Variants in PARD3B observed in about 807,000 individuals in gnomAD.
PARD3B encodes the protein partitioning defective 3 homolog B.
Under a neutral mutation model 130.2 loss-of-function variants are expected in PARD3B, and 103 were observed. That is an observed-to-expected ratio of 0.79 (90% CI 0.67 to 0.93). PARD3B has a LOEUF of 0.93. Ranked by LOEUF, PARD3B falls within the 40% of genes least tolerant of loss-of-function variation. PARD3B has a pLI of 0.00. For missense variants in PARD3B, 1,609 were observed against 1,499.2 expected (o/e 1.07, Z -1.21); for synonymous variants, 583 against 553.2 (o/e 1.05, Z -0.76).
rs887786615 is a variant in PARD3B at position 205,568,235 on chromosome 2, T to C, written c.3260+14832T>C. Reference sequence around the variant, plus strand: ...GTTGCCTTTCGTGAGAGAAAACATATGAGATTAGTAAGATGCCCCAGACAA... The same window carrying C: ...GTTGCCTTTCGTGAGAGAAAACATACGAGATTAGTAAGATGCCCCAGACAA... On this transcript the variant is annotated intron_variant, in intron 22 of 22. Coordinates refer to ENST00000406610, the MANE Select transcript of PARD3B (RefSeq NM_001302769.2). This position sits in a 1 kb window ranked among gnomAD's most constrained non-coding sequence, Gnocchi z 5.3. 2.6e-5 allele frequency among the ~76,000 whole-genome samples: 4 copies of C among 152,016 alleles called. No individual in the cohort carries two copies. Among genetic ancestry groups the C allele is most frequent in the African/African-American group, 4.8e-5 (2 of 41,396 alleles).
At chr2:205,127,352 T>C (rs2031558675) in intron 10 of PARD3B, among the ~76,000 whole-genome samples, 1 of 151,450 alleles carries the variant, frequency 6.6e-6, no homozygotes, top group East Asian at 1.9e-4. Context: ...ATTTTGTAGC[T>C]AATAACAAAT....
chr2:204,860,082 G>A (rs1274753790), intron 2 of PARD3B, among the ~76,000 whole-genome samples: 1 of 151,632 alleles, frequency 6.6e-6, no homozygotes, highest in South Asian at 2.1e-4. Context: ...TCCCCTTTTT[G>A]CTTTTTTATC....
chr2:205,520,760 AT>A (rs1019113779), intron 21 of PARD3B, among the ~76,000 whole-genome samples: 38 of 152,028 alleles, frequency 2.5e-4, no homozygotes, highest in African/African-American at 8.7e-4. Flanking sequence ...TTTAAGTCAT[AT>A]TTTTTTACTT....
intron 4 of PARD3B, among the ~76,000 whole-genome samples, chr2:205,098,409 A>T (rs9288359): frequency 6.6e-6 from 1 of 151,942 alleles, no homozygotes; most frequent in Non-Finnish European, 1.5e-5. Flanking sequence ...TCAGAGGGAG[A>T]TACTTATTGA....
At chr2:204,638,578 T>A (rs1406549330) in intron 1 of PARD3B, among the ~76,000 whole-genome samples, 3 of 152,168 alleles carry the variant, frequency 2.0e-5, no homozygotes. Context: ...GAGACTATAG[T>A]AGGAACATTT....
At chr2:204,981,569 A>T (rs1313766605) in intron 3 of PARD3B, among the ~76,000 whole-genome samples, 2 of 152,230 alleles carry the variant, frequency 1.3e-5, no homozygotes, top group Non-Finnish European at 2.9e-5. Context: ...CATTAAGCAA[A>T]TATTTATTGG....
intron 22 of PARD3B, among the ~76,000 whole-genome samples, chr2:205,567,481 A>ATTTTT (rs61638177): frequency 0.26 from 29,843 of 113,248 alleles, 4,487 homozygotes; most frequent in Middle Eastern, 0.33. Flanking sequence ...TGCCCGGTTA[A>ATTTTT]TTTTTTTTTT....
intron 2 of PARD3B, among the ~76,000 whole-genome samples, chr2:204,911,261 A>C (rs951895600): frequency 6.6e-6 from 1 of 152,220 alleles, no homozygotes; most frequent in Non-Finnish European, 1.5e-5. Context: ...GTTGATGTGC[A>C]GGTGATTCCA....
chr2:204,565,176 G>A (rs1365838365), intron 1 of PARD3B, among the ~76,000 whole-genome samples: 1 of 152,190 alleles, frequency 6.6e-6, no homozygotes, highest in Non-Finnish European at 1.5e-5. Context: ...CTTTCCTAGA[G>A]GTCACCTGCA....
chr2:204,647,124 T>G (rs1430299461), intron 1 of PARD3B, among the ~76,000 whole-genome samples: 1 of 151,916 alleles, frequency 6.6e-6, no homozygotes, highest in Non-Finnish European at 1.5e-5. Context: ...ATCATCTGTA[T>G]TAGTTACTGC....
At position 205,450,987 on chromosome 2, in the gene PARD3B, C is replaced by A. The variant is rs189730517; in HGVS notation, c.3044+10315C>A. Among the ~76,000 whole-genome samples, 8 of 152,320 alleles carry A rather than the reference C, an allele frequency of 5.3e-5. No homozygotes were observed. In the South Asian group the frequency reaches 1.2e-3, roughly 24 times the overall value. On this transcript the variant is annotated intron_variant, in intron 20 of 22. Transcript: ENST00000406610. ...GCTTAACAATCATCCACAGAACAGA[C>A]TAGTCCAATTTCTATGGGTCCCAGA...
At chr2:205,036,563 CTA>C (rs1215066797) in intron 3 of PARD3B, among the ~76,000 whole-genome samples, 1 of 149,034 alleles carries the variant, frequency 6.7e-6, no homozygotes, top group Non-Finnish European at 1.5e-5. Context: ...ACACAGCGGA[CTA>C]TATGTACAAA....
In PARD3B at chr2:204,862,158, A is replaced by G. The variant is rs183547158; in HGVS notation, c.223-102994A>G. On this transcript the variant is annotated intron_variant, in intron 2 of 22. Transcript: ENST00000406610. ...AATATGCCTTTTTAGTCTACGTATG[A>G]TATCCACTCCCAGCGATACAGCTCT... Among the ~76,000 whole-genome samples, 19 of 152,226 alleles carry G rather than the reference A, an allele frequency of 1.2e-4. 1 individual carries two copies. In the East Asian group the frequency reaches 3.7e-3, roughly 29 times the overall value.
At chr2:204,547,578 A>G (rs2030083863) in intron 1 of PARD3B, among the ~76,000 whole-genome samples, 1 of 152,218 alleles carries the variant, frequency 6.6e-6, no homozygotes, top group Non-Finnish European at 1.5e-5. Flanking sequence ...CCAATTGTCT[A>G]TTAAATCATA....
chr2:204,689,597 A>G lies in PARD3B; in HGVS notation c.222+3315A>G, dbSNP rs546238464. On this transcript the variant is annotated intron_variant, in intron 2 of 22. Transcript: ENST00000406610. The surrounding 1 kb of genome is among the most constrained non-coding windows in gnomAD (Gnocchi z 5.2). ...AAAGGCTACCAACTTAGTTCACCCAATAGTAACAACCTAATCATTGATGAC... is the reference window on the plus strand; with the variant it reads ...AAAGGCTACCAACTTAGTTCACCCAGTAGTAACAACCTAATCATTGATGAC... Among the ~76,000 whole-genome samples the G allele has an allele frequency of 2.0e-5, 3 of 152,210 alleles. No individual in the cohort carries two copies. The highest frequency in any genetic ancestry group is 3.9e-4 in the East Asian group (2 of 5,168).
In PARD3B at chr2:204,728,161, G is replaced by A. The variant is rs1381468037; in HGVS notation, c.222+41879G>A. 2.0e-5 allele frequency among the ~76,000 whole-genome samples: 3 copies of A among 152,138 alleles called. No homozygotes were observed. The East Asian group carries it at 5.8e-4, about 29-fold the overall frequency. On this transcript the variant is annotated intron_variant, in intron 2 of 22. Coordinates refer to ENST00000406610, the MANE Select transcript of PARD3B (RefSeq NM_001302769.2). ...TGCCTGGGTTCTCCATCGTGAAGAGGCAGTTTGTTCAATGAGTTCGGAAGA... is the reference window on the plus strand; with the variant it reads ...TGCCTGGGTTCTCCATCGTGAAGAGACAGTTTGTTCAATGAGTTCGGAAGA...
At chr2:205,533,674 A>G (rs2051703160) in intron 21 of PARD3B, among the ~76,000 whole-genome samples, 1 of 152,216 alleles carries the variant, frequency 6.6e-6, no homozygotes, top group African/African-American at 2.4e-5. Context: ...AAAAATAAAT[A>G]CTAAACTTAC....
Position 205,199,114 on chromosome 2 carries a change from A to G in PARD3B, c.2140+5794A>G, listed in dbSNP as rs556200823. On this transcript the variant is annotated intron_variant, in intron 15 of 22. Coordinates refer to ENST00000406610, the MANE Select transcript of PARD3B (RefSeq NM_001302769.2). ...TAGTAAGTCAAAATAAAGGAATTATAGAGAATGTTCTTTCATTAAGTAAAT... is the reference window on the plus strand; with the variant it reads ...TAGTAAGTCAAAATAAAGGAATTATGGAGAATGTTCTTTCATTAAGTAAAT... Among the ~76,000 whole-genome samples, 458 of 152,300 alleles carry G rather than the reference A, an allele frequency of 3.0e-3. 1 individual carries two copies. The highest frequency in any genetic ancestry group is 0.011 in the African/African-American group (446 of 41,586).
rs1694370242 is a variant in PARD3B, at chr2:204,997,939, T to G, written c.394+32616T>G. The stretch of plus-strand genomic sequence containing the variant: ...TATTTATATACTTAATATTTTTATT[T>G]GTTATATATAGTGAGTGTATGTGTA... On this transcript the variant is annotated intron_variant, in intron 3 of 22. Coordinates refer to ENST00000406610, the MANE Select transcript of PARD3B (RefSeq NM_001302769.2). Among the ~76,000 whole-genome samples the G allele has an allele frequency of 1.4e-5, 2 of 145,060 alleles. 1 individual carries two copies. The highest frequency in any genetic ancestry group is 4.2e-4 in the East Asian group (2 of 4,784).
Sources: allele counts gnomAD v4.1 joint callset (sites outside exome capture counted in the v4.1 genomes callset), GRCh38; gene constraint gnomAD v4.1.1; non-coding constraint Gnocchi (gnomAD v3.1); transcripts MANE v1.5; gene names NCBI Gene and HGNC (gene_info 2026-07-23, HGNC 2026-07-21).